LCLAT1: variants seen among roughly 807,000 people sequenced by gnomAD.
LCLAT1 encodes the protein lysocardiolipin acyltransferase 1, also known as 1-AGP acyltransferase 8.
LCLAT1 carries 11 observed loss-of-function variants against 30.7 expected under a neutral mutation model. The ratio of observed to expected loss-of-function variants is 0.36; its 90% CI spans 0.23 to 0.59. LCLAT1 has a LOEUF of 0.59. Among genes scored for constraint, LCLAT1 ranks in the 20% least tolerant of loss-of-function variants. The pLI, the probability that LCLAT1 is intolerant of heterozygous loss-of-function variation, is 0.77. For missense variants in LCLAT1, 402 were observed against 458.6 expected, an observed-to-expected ratio of 0.88 and a Z score of 1.13; for synonymous variants, 155 against 151.3, an observed-to-expected ratio of 1.02 and a Z score of -0.18.
intron 5 of LCLAT1, among the ~76,000 whole-genome samples, chr2:30,629,201 A>C (rs1007638671): frequency 6.6e-6 from 1 of 152,210 alleles, no homozygotes; most frequent in Non-Finnish European, 1.5e-5. Flanking sequence ...TAAGAAGATG[A>C]CAAATAAATT....
At chr2:30,475,493 C>T (rs1211783376) in intron 1 of LCLAT1, among the ~76,000 whole-genome samples, 1 of 152,128 alleles carries the variant, frequency 6.6e-6, no homozygotes. Flanking sequence ...AGAGTCCCAG[C>T]TCTATGATAA....
At chr2:30,572,801 T>C (rs1665840323) in intron 5 of LCLAT1, among the ~76,000 whole-genome samples, 1 of 152,030 alleles carries the variant, frequency 6.6e-6, no homozygotes, top group African/African-American at 2.4e-5. Context: ...TAAAGGATTT[T>C]CTTTTTGTAA....
intron 1 of LCLAT1, among the ~76,000 whole-genome samples, chr2:30,522,239 T>C (rs912684026): frequency 6.6e-6 from 1 of 152,212 alleles, no homozygotes; most frequent in African/African-American, 2.4e-5. Flanking sequence ...ATTGTAAGTG[T>C]ATATTTAGGA....
intron 1 of LCLAT1, among the ~76,000 whole-genome samples, chr2:30,485,396 C>A (rs147915007): frequency 3.3e-5 from 5 of 152,168 alleles, no homozygotes; most frequent in Non-Finnish European, 7.4e-5. Flanking sequence ...AAGGCAGTAT[C>A]GTGCAATGTC....
intron 5 of LCLAT1, among the ~76,000 whole-genome samples, chr2:30,616,568 C>T (rs560994278): frequency 1.2e-4 from 18 of 152,180 alleles, no homozygotes; most frequent in African/African-American, 4.1e-4. Context: ...TTTGTAACTG[C>T]TTCAGAAATA....
chr2:30,568,495 G>GTCTT (rs1394594618), intron 5 of LCLAT1, among the ~76,000 whole-genome samples: 1 of 137,070 alleles, frequency 7.3e-6, no homozygotes, highest in South Asian at 2.3e-4. Context: ...TGGCAAAAAT[G>GTCTT]TCTTTCTTTC....
intron 3 of LCLAT1, among the ~76,000 whole-genome samples, chr2:30,560,282 T>TGGTG (rs747190519): frequency 2.5e-5 from 3 of 120,172 alleles, no homozygotes; most frequent in African/African-American, 3.5e-5. Flanking sequence ...AAATAAAGTG[T>TGGTG]GGTGTGTGTG....
At chr2:30,635,411 G>A (rs1304557323) in intron 5 of LCLAT1, among the ~76,000 whole-genome samples, 1 of 152,068 alleles carries the variant, frequency 6.6e-6, no homozygotes, top group Admixed American at 6.5e-5. Flanking sequence ...GGAAATGAGT[G>A]TCAAGGTGTA....
In LCLAT1 at chr2:30,640,604, A is replaced by C. The variant is rs779011040; in HGVS notation, c.1116A>C (p.Ser372=). The C allele has an allele frequency of 1.9e-6, 3 of 1,602,810 alleles. No individual in the cohort carries two copies. The East Asian group carries it at 6.7e-5, about 36-fold the overall frequency. The change falls in exon 6 of 6, where the codon TCA becomes TCC. Residue 372 remains serine, a synonymous_variant. Transcript: ENST00000379509. The part of the protein sequence containing the change: ...RLLHKQPHLN[S]KKNE The stretch of plus-strand genomic sequence containing the variant: ...TACACAAACAGCCACATTTAAATTC[A>C]AAGAAAAATGAGTAAGATTATAAGG...
At chr2:30,460,878 G>C (rs1682087874) in intron 1 of LCLAT1, among the ~76,000 whole-genome samples, 1 of 152,120 alleles carries the variant, frequency 6.6e-6, no homozygotes, top group African/African-American at 2.4e-5. Flanking sequence ...AAAAACCCTG[G>C]AATAGCAGTG....
intron 5 of LCLAT1, among the ~76,000 whole-genome samples, chr2:30,629,498 T>TG (rs1464926883): frequency 6.6e-6 from 1 of 152,154 alleles, no homozygotes; most frequent in African/African-American, 2.4e-5. Flanking sequence ...AAGTGGAAGT[T>TG]GCAGTGAGCT....
intron 5 of LCLAT1, among the ~76,000 whole-genome samples, chr2:30,584,212 A>G (rs1666330954): frequency 1.3e-5 from 2 of 152,192 alleles, no homozygotes; most frequent in South Asian, 4.1e-4. Flanking sequence ...TAGCAGTTTA[A>G]CTGTATGTCT....
intron 3 of LCLAT1, among the ~76,000 whole-genome samples, chr2:30,548,172 G>A (rs1429258065): frequency 2.0e-5 from 3 of 152,034 alleles, no homozygotes; most frequent in Non-Finnish European, 2.9e-5. Context: ...ATGCATGGCC[G>A]GGAGGGTGGT....
chr2:30,616,498 C>T (rs1461469336), intron 5 of LCLAT1, among the ~76,000 whole-genome samples: 1 of 152,136 alleles, frequency 6.6e-6, no homozygotes, highest in Admixed American at 6.6e-5. Context: ...GATTGCAAGA[C>T]ACATTGTCAC....
chr2:30,541,250 T>C (rs929137634), intron 3 of LCLAT1, among the ~76,000 whole-genome samples: 4 of 152,188 alleles, frequency 2.6e-5, no homozygotes, highest in African/African-American at 9.7e-5. Context: ...TCTTGCTTAC[T>C]CTGGTCTAAG....
chr2:30,475,448 A>C (rs926071032), intron 1 of LCLAT1, among the ~76,000 whole-genome samples: 1 of 152,208 alleles, frequency 6.6e-6, no homozygotes, highest in Admixed American at 6.5e-5. Flanking sequence ...TTAAAATTGC[A>C]TACAATTATT....
At chr2:30,631,545 A>C (rs736256) in intron 5 of LCLAT1, among the ~76,000 whole-genome samples, 93,799 of 152,094 alleles carry the variant, frequency 0.62, 30,220 homozygotes, top group Middle Eastern at 0.76. Flanking sequence ...AATTTATATG[A>C]TGCCCTTGAA....
intron 1 of LCLAT1, among the ~76,000 whole-genome samples, chr2:30,503,831 A>G (rs923670874): frequency 6.6e-6 from 1 of 152,198 alleles, no homozygotes; most frequent in Non-Finnish European, 1.5e-5. Flanking sequence ...CCGCTTCTTT[A>G]TGTCTTTGCA....
At chr2:30,535,460 C>T (rs370017760) in intron 3 of LCLAT1, among the ~76,000 whole-genome samples, 1 of 152,266 alleles carries the variant, frequency 6.6e-6, no homozygotes. Flanking sequence ...GACTTGCCTT[C>T]CCAGTGTTCT....
Sources: gnomAD v4.1 joint callset for allele counts (sites outside exome capture counted in the v4.1 genomes callset) on GRCh38, gnomAD v4.1.1 for gene constraint, MANE v1.5 for transcripts, NCBI Gene and HGNC (gene_info 2026-07-23, HGNC 2026-07-21) for gene names.